ARL2: variants seen among roughly 807,000 people sequenced by gnomAD.
ARL2 encodes the protein ADP-ribosylation factor-like protein 2.
ARL2 carries 11 observed loss-of-function variants against 22.0 expected under a neutral mutation model. The observed-to-expected ratio is 0.50, with a 90% CI of 0.31 to 0.83. The LOEUF (loss-of-function observed/expected upper bound fraction) is 0.83, where lower values mean the gene tolerates loss of function less well. ARL2 is among the 40% of genes least tolerant of loss of function. The pLI, the probability that ARL2 is intolerant of heterozygous loss-of-function variation, is 0.04. For synonymous variants in ARL2, 111 were observed against 100.8 expected, an observed-to-expected ratio of 1.10 and a Z score of -0.61; for missense variants, 216 against 243.2, an observed-to-expected ratio of 0.89 and a Z score of 0.74.
intron 1 of ARL2, among the ~76,000 whole-genome samples, chr11:65,014,564 C>T (rs1590727728): frequency 6.6e-6 from 1 of 152,214 alleles, no homozygotes. Flanking sequence ...CGCCACCACC[C>T]GGCGGCCTGG....
At chr11:65,017,878 G>A (rs907439734) in intron 1 of ARL2, among the ~76,000 whole-genome samples, 7 of 152,200 alleles carry the variant, frequency 4.6e-5, no homozygotes, top group African/African-American at 1.7e-4. Context: ...CCAGATATTT[G>A]TTCTTACCTT....
chr11:65,016,439 C>G (rs546926889), intron 1 of ARL2, among the ~76,000 whole-genome samples: 1 of 151,992 alleles, frequency 6.6e-6, no homozygotes, highest in East Asian at 1.9e-4. Context: ...TTTTCCCTTT[C>G]AGTGAGAAGT....
At chr11:65,014,348 G>C (rs1267004387) in intron 1 of ARL2, 76 bp downstream of exon 1, 6 of 1,312,138 alleles carry the variant, frequency 4.6e-6, no homozygotes, top group Non-Finnish European at 6.1e-6. Flanking sequence ...CCCCTGTCGG[G>C]AGCGGAACGC....
In ARL2 at chr11:65,020,372, G is replaced by A. The variant is rs781358640; in HGVS notation, c.340-47G>A. ...TCTGGGCCATTAGAGGAGGGGTCAG[G>A]CTGTCCTCTGAGTCCCCACCCCACC... On this transcript the variant is annotated intron_variant, in intron 3 of 4. Transcript: ENST00000246747. 6.0e-6 allele frequency: 9 copies of A among 1,501,220 alleles called. No homozygotes were observed. The African/African-American group carries it at 8.3e-5, about 14-fold the overall frequency. 93.0% of individuals were successfully genotyped at this position (1,501,220 alleles called of 1,614,324 possible).
intron 1 of ARL2, among the ~76,000 whole-genome samples, chr11:65,014,524 A>T (rs1307303355): frequency 6.6e-6 from 1 of 152,060 alleles, no homozygotes; most frequent in Non-Finnish European, 1.5e-5. Flanking sequence ...CCCGAGTGTC[A>T]GGGGTGGTGG....
intron 1 of ARL2, among the ~76,000 whole-genome samples, chr11:65,014,972 C>T (rs1946232732): frequency 6.6e-6 from 1 of 152,226 alleles, no homozygotes; most frequent in Admixed American, 6.5e-5. Context: ...CAGGGTCTTG[C>T]TCTGTTGCCC....
At chr11:65,017,095 G>A (rs1946265962) in intron 1 of ARL2, among the ~76,000 whole-genome samples, 1 of 152,118 alleles carries the variant, frequency 6.6e-6, no homozygotes, top group Non-Finnish European at 1.5e-5. Context: ...CAAGAAGGCA[G>A]AAATGGGGGT....
At position 65,021,457 on chromosome 11, in the gene ARL2, G is replaced by A. The variant is rs921849029; in HGVS notation, c.421-264G>A. ...GGGTGTGTGGGGCTCCTAGCACGAT[G>A]CCCGGATCCTGGTGGATGCTCAGGA... On this transcript the variant is annotated intron_variant, in intron 4 of 4. Coordinates refer to ENST00000246747, the MANE Select transcript of ARL2 (RefSeq NM_001667.4). 7 of 417,450 alleles carry A rather than the reference G, an allele frequency of 1.7e-5. No individual in the cohort carries two copies. In the East Asian group the frequency reaches 2.5e-4, roughly 15 times the overall value. The allele number at this position is 417,450 out of a possible 1,614,324, so 25.9% of individuals were successfully genotyped here.
At chr11:65,020,522 G>T (rs768041336) in intron 4 of ARL2, 23 bp downstream of exon 4, 5 of 1,576,648 alleles carry the variant, frequency 3.2e-6, no homozygotes, top group East Asian at 2.3e-5. Flanking sequence ...CCCGGGACAG[G>T]CTCGCTGAGG....
At position 65,014,505 on chromosome 11, in the gene ARL2, GC is replaced by G. The variant is rs1946224803; in HGVS notation, c.65+234del. The stretch of plus-strand genomic sequence containing the variant: ...GCGGTCCTGCAGGCGCAGCGGCGGG[GC>G]TAGGCGGCCCGAGTGTCAGGGGTGG... On this transcript the variant is annotated intron_variant, in intron 1 of 4. Coordinates refer to ENST00000246747, the MANE Select transcript of ARL2 (RefSeq NM_001667.4). Among the ~76,000 whole-genome samples the G allele has an allele frequency of 2.0e-5, 3 of 152,220 alleles. No individual in the cohort carries two copies. In the South Asian group the frequency reaches 6.2e-4, roughly 31 times the overall value.
rs4930693 is a variant in ARL2 at position 65,017,016 on chromosome 11, T to G, written c.66-1348T>G. On this transcript the variant is annotated intron_variant, in intron 1 of 4. Coordinates refer to ENST00000246747, the MANE Select transcript of ARL2 (RefSeq NM_001667.4). ...GGGCCACAGGGAGGTCTTTGGGGACTGACCTTGGTAAGGACAGTTTTGGCC... is the reference window on the plus strand; with the variant it reads ...GGGCCACAGGGAGGTCTTTGGGGACGGACCTTGGTAAGGACAGTTTTGGCC... Among the ~76,000 whole-genome samples, 49 of 152,206 alleles carry G rather than the reference T, an allele frequency of 3.2e-4. 1 individual carries two copies. Among genetic ancestry groups the G allele is most frequent in the Admixed American group, 2.4e-3 (36 of 15,268 alleles).
rs1946220558 is a variant in ARL2 at position 65,014,284 on chromosome 11, G to A, written c.65+12G>A. 19 of 1,544,268 alleles carry A rather than the reference G, an allele frequency of 1.2e-5. No individual in the cohort carries two copies. Among genetic ancestry groups the A allele is most frequent in the Non-Finnish European group, 1.7e-5 (19 of 1,150,724 alleles). ...CGACTGCTCATGCTGTATCCTACCG[G>A]ACGCCGGAACCGCGAGGGTGGCGGG... is the stretch of plus-strand genomic sequence containing the variant. On this transcript the variant is annotated intron_variant, in intron 1 of 4. Coordinates refer to ENST00000246747, the MANE Select transcript of ARL2 (RefSeq NM_001667.4).
At chr11:65,016,856 TCAGGTGAGGAGCAGAAC>T (rs1381566571) in intron 1 of ARL2, among the ~76,000 whole-genome samples, 2 of 151,788 alleles carry the variant, frequency 1.3e-5, no homozygotes, top group Admixed American at 1.3e-4. Context: ...CAGGATGAAG[TCAGGTGAGGAGCAGAAC>T]CAGGTGAGGG....
Position 65,018,667 on chromosome 11 carries a change from G to C in ARL2, c.273G>C (p.Val91=), listed in dbSNP as rs376934064. 1 of 1,614,226 alleles carries C rather than the reference G, an allele frequency of 6.2e-7. No individual in the cohort carries two copies. Among genetic ancestry groups the C allele is most frequent in the South Asian group, 1.1e-5 (1 of 91,078 alleles). The change falls in exon 3 of 5, where the codon GTG becomes GTC. Residue 91 remains valine (V), a synonymous_variant. Coordinates refer to ENST00000246747, the MANE Select transcript of ARL2 (RefSeq NM_001667.4). This position sits in a 1 kb window ranked among gnomAD's most constrained non-coding sequence, Gnocchi z 4.2. The stretch of plus-strand genomic sequence containing the variant: ...GCACCGATGGCCTCATCTGGGTAGT[G>C]GACAGCGCAGACCGCCAGCGCATGC... ...FESTDGLIWV[V]DSADRQRMQD...
rs1487269277 is a variant in ARL2, at chr11:65,018,433, C to T, written c.135C>T (p.Ser45=). 10 of 1,609,406 alleles carry T rather than the reference C, an allele frequency of 6.2e-6. No individual in the cohort carries two copies. The highest frequency in any genetic ancestry group is 1.1e-5 in the South Asian group (1 of 89,740). ...ATGGGGAGGACATCGACACCATCTC[C>T]CCAACGCTGGGCTTCAACATCAAGA... ...KFNGEDIDTI[S]PTLGFNIKTL... is the part of the protein sequence containing the mutation. The change falls in exon 2 of 5, where the codon TCC becomes TCT. Residue 45 remains serine (S), a synonymous_variant. Transcript: ENST00000246747. This position sits in a 1 kb window ranked among gnomAD's most constrained non-coding sequence, Gnocchi z 4.2.
At chr11:65,020,597 A>G in intron 4 of ARL2, 98 bp downstream of exon 4, 1 of 1,265,508 alleles carries the variant, frequency 7.9e-7, no homozygotes. Context: ...GGCTGGGTGC[A>G]GTGGCTCACG....
chr11:65,014,224 T>G lies in ARL2; in HGVS notation c.17T>G (p.Ile6Ser). Residue 6 changes from isoleucine to serine, a missense_variant, in exon 1 of 5, where the codon ATT becomes AGT. Ile to Ser is a moderately radical substitution (Grantham distance 142). Transcript: ENST00000246747. MGLLT[I>S]LKKMKQKERE... ...CCGGGGACCATGGGGCTCCTGACCA[T>G]TCTGAAGAAGATGAAGCAGAAAGAG... The G allele has an allele frequency of 6.4e-7, 1 of 1,574,098 alleles. No individual in the cohort carries two copies. Among genetic ancestry groups the G allele is most frequent in the East Asian group, 2.6e-5 (1 of 39,130 alleles).
At chr11:65,015,411 C>T (rs922933120) in intron 1 of ARL2, among the ~76,000 whole-genome samples, 4 of 152,232 alleles carry the variant, frequency 2.6e-5, no homozygotes, top group Admixed American at 1.3e-4. Context: ...GCCACTGCGC[C>T]GGGCCGCATG....
intron 1 of ARL2, 80 bp downstream of exon 1, chr11:65,014,352 G>T (rs749077662): frequency 4.8e-6 from 6 of 1,239,880 alleles, no homozygotes; most frequent in Non-Finnish European, 5.5e-6. Context: ...TGTCGGGAGC[G>T]GAACGCGGCG....
Sources: allele counts gnomAD v4.1 joint callset (sites outside exome capture counted in the v4.1 genomes callset), GRCh38; gene constraint gnomAD v4.1.1; non-coding constraint Gnocchi (gnomAD v3.1); transcripts MANE v1.5; gene names NCBI Gene and HGNC (gene_info 2026-07-23, HGNC 2026-07-21).